The following ANKRD18A variants were observed in gnomAD, a reference collection of about 807,000 sequenced individuals.
ANKRD18A encodes ankyrin repeat domain-containing protein 18A.
ANKRD18A carries 72 observed loss-of-function variants against 110.6 expected under a neutral mutation model. The ratio of observed to expected loss-of-function variants is 0.65; its 90% confidence interval spans 0.54 to 0.79. The LOEUF is 0.79. Ranked by LOEUF, ANKRD18A falls within the 30% of genes least tolerant of loss-of-function variation. The probability of loss-of-function intolerance (pLI) is 0.00; values close to 1 mark genes in which losing one functional copy is unlikely to be tolerated. For missense variants in ANKRD18A, 934 were observed against 1,163.3 expected, an observed-to-expected ratio of 0.80 and a Z score of 2.87; for synonymous variants, 305 against 410.3, an observed-to-expected ratio of 0.74 and a Z score of 3.10.
rs1181455742 is a variant in ANKRD18A at position 38,596,375 on chromosome 9, T to C, written c.965A>G (p.Asp322Gly). 8.9e-6 allele frequency: 13 copies of C among 1,460,264 alleles called. No individual in the cohort carries two copies. The highest frequency in any genetic ancestry group is 1.1e-5 in the Non-Finnish European group (12 of 1,106,506). 90.5% of individuals were successfully genotyped at this position (1,460,264 alleles called of 1,614,324 possible). The change falls in exon 9 of 16, where the codon GAT (aspartate) becomes GGT (glycine). Residue 322 changes from aspartate to glycine, a missense_variant. Asp to Gly is a moderately conservative substitution (Grantham distance 94). Coordinates refer to ENST00000399703, the MANE Select transcript of ANKRD18A (RefSeq NM_147195.4). ...CAACATAAAATTTCCATACATCGCA[T>C]CCTTCTTTTTTCCGTAACTTTGAGA... ...QDSQSYGKKK[D>G]AMYGNFMLKK...
chr9:38,588,921 A>T (rs1188782310), intron 10 of ANKRD18A, among the ~76,000 whole-genome samples: 2 of 152,224 alleles, frequency 1.3e-5, no homozygotes, highest in Non-Finnish European at 2.9e-5. Context: ...GAGTTTTTAC[A>T]CATAAAGTAC....
intron 10 of ANKRD18A, among the ~76,000 whole-genome samples, chr9:38,589,645 C>A (rs1192022766): frequency 2.0e-5 from 3 of 152,208 alleles, no homozygotes; most frequent in African/African-American, 7.2e-5. Context: ...CCTGTGTACA[C>A]CCCAAGGTCT....
chr9:38,569,194 T>A, downstream of ANKRD18A: 9 of 983,670 alleles, frequency 9.1e-6, no homozygotes, highest in Non-Finnish European at 1.1e-5. Flanking sequence ...AGGGCCATGA[T>A]GGGGTTGTCC....
intron 8 of ANKRD18A, among the ~76,000 whole-genome samples, chr9:38,599,300 G>T (rs10511949): frequency 0.07 from 10,598 of 152,152 alleles, 1,224 homozygotes; most frequent in African/African-American, 0.24. Context: ...CACTCCAGGT[G>T]CGTCTGCTTC....
intron 1 of ANKRD18A, among the ~76,000 whole-genome samples, chr9:38,619,743 C>T (rs762474290): frequency 1.3e-5 from 2 of 152,138 alleles, no homozygotes; most frequent in Non-Finnish European, 2.9e-5. Context: ...GATGTAAAAC[C>T]GACACAGGGT....
intron 14 of ANKRD18A, among the ~76,000 whole-genome samples, chr9:38,576,001 C>G (rs1823878211): frequency 6.6e-6 from 1 of 152,156 alleles, no homozygotes; most frequent in Admixed American, 6.5e-5. Flanking sequence ...TCTAAAATAG[C>G]TCTACTTATA....
intron 3 of ANKRD18A, among the ~76,000 whole-genome samples, chr9:38,613,368 T>C (rs1029673477): frequency 6.6e-6 from 1 of 152,188 alleles, no homozygotes; most frequent in Non-Finnish European, 1.5e-5. Context: ...ATTTAGACTA[T>C]AGCTCTTGTG....
At chr9:38,569,452 A>G (rs1823559294), downstream of ANKRD18A, 2 of 982,702 alleles carry the variant, frequency 2.0e-6, no homozygotes, top group Non-Finnish European at 2.4e-6. Context: ...CTAGAAAACA[A>G]TCCTTCATGC....
At chr9:38,617,715 TA>T (rs1825917437) in intron 1 of ANKRD18A, among the ~76,000 whole-genome samples, 1 of 152,200 alleles carries the variant, frequency 6.6e-6, no homozygotes, top group South Asian at 2.1e-4. Context: ...ATTCCTATTT[TA>T]AATCTCTCAT....
intron 11 of ANKRD18A, among the ~76,000 whole-genome samples, chr9:38,588,010 C>T (rs1242830246): frequency 6.6e-6 from 1 of 152,140 alleles, no homozygotes; most frequent in Non-Finnish European, 1.5e-5. Context: ...ATCACTTGAA[C>T]CCAGGTGGCA....
At chr9:38,609,712 G>T (rs952001184) in intron 5 of ANKRD18A, among the ~76,000 whole-genome samples, 1 of 151,980 alleles carries the variant, frequency 6.6e-6, no homozygotes, top group African/African-American at 2.4e-5. Flanking sequence ...AAGCAAGATT[G>T]TCTTCCTTGG....
At chr9:38,569,626 A>G (rs774646866), downstream of ANKRD18A, among the ~76,000 whole-genome samples, 3 of 151,952 alleles carry the variant, frequency 2.0e-5, no homozygotes, top group Non-Finnish European at 4.4e-5. Flanking sequence ...CTGAACTGAC[A>G]TGTGTGCATG....
chr9:38,594,691 T>C (rs1824798597), intron 9 of ANKRD18A, among the ~76,000 whole-genome samples: 1 of 152,080 alleles, frequency 6.6e-6, no homozygotes, highest in African/African-American at 2.4e-5. Context: ...CAAAACAAAG[T>C]TACACCAACT....
At position 38,620,167 on chromosome 9, in the gene ANKRD18A, C is replaced by T; in HGVS notation, c.119G>A (p.Arg40Lys). The T allele has an allele frequency of 6.4e-7, 1 of 1,568,238 alleles. No homozygotes were observed. The highest frequency in any genetic ancestry group is 8.6e-7 in the Non-Finnish European group (1 of 1,156,522). The part of the protein sequence containing the change: ...IRDWELRKIH[R>K]AAIKGDAAEV... ...CGCGGCGTCGCCCTTGATGGCAGCCCTGTGGATCTTCCGCAGTTCCCAGTC... is the reference window on the plus strand; with the variant it reads ...CGCGGCGTCGCCCTTGATGGCAGCCTTGTGGATCTTCCGCAGTTCCCAGTC... The change falls in exon 1 of 16, where the codon AGG (arginine) becomes AAG (lysine). Residue 40 changes from arginine to lysine, a missense_variant. Transcript: ENST00000399703.
intron 8 of ANKRD18A, among the ~76,000 whole-genome samples, chr9:38,596,716 A>T (rs1824898204): frequency 6.6e-6 from 1 of 152,212 alleles, no homozygotes; most frequent in African/African-American, 2.4e-5. Context: ...TTGTTAAAAA[A>T]TTTGACTAAA....
chr9:38,599,908 T>G (rs1275114266), intron 8 of ANKRD18A, among the ~76,000 whole-genome samples: 2 of 152,248 alleles, frequency 1.3e-5, no homozygotes, highest in African/African-American at 2.4e-5. Flanking sequence ...AAATGTCTTT[T>G]CTGACAGGGT....
In ANKRD18A at chr9:38,593,920, AT is replaced by A. The variant is rs1458042378; in HGVS notation, c.1855-12del. On this transcript the variant is annotated splice_polypyrimidine_tract_variant and intron_variant, in intron 9 of 15. Transcript: ENST00000399703. ...TTCTCTCACAATCACCTGACAAAAT[AT>A]TTTTGTTACCAATTTTATAAAGTGG... 8 of 1,460,644 alleles carry A rather than the reference AT, an allele frequency of 5.5e-6. No homozygotes were observed. Among genetic ancestry groups the A allele is most frequent in the Non-Finnish European group, 6.3e-6 (7 of 1,107,196 alleles). 90.5% of individuals were successfully genotyped at this position (1,460,644 alleles called of 1,614,324 possible). A position where few individuals can be genotyped will look rare whatever the true frequency, so the allele number is the denominator to read the frequency against.
chr9:38,619,934 G>T, intron 1 of ANKRD18A, 146 bp downstream of exon 1: 1 of 1,048,526 alleles, frequency 9.5e-7, no homozygotes, highest in Non-Finnish European at 1.4e-6. Flanking sequence ...GGAATTGCCA[G>T]CGACGGAAAG....
At chr9:38,582,308 G>A (rs1824199964) in intron 12 of ANKRD18A, among the ~76,000 whole-genome samples, 1 of 152,190 alleles carries the variant, frequency 6.6e-6, no homozygotes, top group Non-Finnish European at 1.5e-5. Context: ...AGTGTGTCTC[G>A]TAAGCCTGAC....
Sources: gnomAD v4.1 joint callset for allele counts (sites outside exome capture counted in the v4.1 genomes callset) on GRCh38, gnomAD v4.1.1 for gene constraint, MANE v1.5 for transcripts, NCBI Gene and HGNC (gene_info 2026-07-23, HGNC 2026-07-21) for gene names.